DAB1: variants seen among roughly 807,000 people sequenced by gnomAD.
DAB1 encodes the protein DAB adaptor protein 1.
A neutral mutation model predicts 64.6 loss-of-function variants in DAB1; 15 were observed. That is an observed-to-expected ratio of 0.23 (90% CI 0.16 to 0.36). The LOEUF is 0.36. DAB1 is among the 10% of genes least tolerant of loss of function. The pLI, the probability that DAB1 is intolerant of heterozygous loss-of-function variation, is 1.00. For missense variants in DAB1, 596 were observed against 706.7 expected (o/e 0.84, Z 1.78); for synonymous variants, 235 against 251.9 (o/e 0.93, Z 0.64).
intron 4 of DAB1, among the ~76,000 whole-genome samples, chr1:58,284,352 T>A (rs1226816627): frequency 2.0e-5 from 3 of 152,224 alleles, no homozygotes; most frequent in Non-Finnish European, 4.4e-5. Context: ...GCTCTGCCAA[T>A]ACTCTGTATC....
At chr1:57,257,710 G>T (rs918800721) in intron 2 of DAB1, among the ~76,000 whole-genome samples, 1 of 152,184 alleles carries the variant, frequency 6.6e-6, no homozygotes, top group Non-Finnish European at 1.5e-5. Context: ...CTGGGCTGAC[G>T]TTAAGTTATC....
intron 5 of DAB1, among the ~76,000 whole-genome samples, chr1:58,010,792 A>T (rs534810181): frequency 6.6e-6 from 1 of 152,214 alleles, no homozygotes; most frequent in African/African-American, 2.4e-5. Context: ...AGACATTACT[A>T]ATCTATCAGC....
At position 57,198,209 on chromosome 1, in the gene DAB1, T is replaced by A. The variant is rs552175928; in HGVS notation, c.68-52780A>T. On this transcript the variant is annotated intron_variant, in intron 2 of 14. Transcript: ENST00000371236. ...TGAAAATAAAACCAACTCATTAACATCTCCCTCCCTCCCTTCCTAGTGTCT... is the reference window on the plus strand; with the variant it reads ...TGAAAATAAAACCAACTCATTAACAACTCCCTCCCTCCCTTCCTAGTGTCT... Among the ~76,000 whole-genome samples the A allele has an allele frequency of 8.2e-4, 125 of 152,204 alleles. 1 individual carries two copies. The highest frequency in any genetic ancestry group is 6.8e-3 in the Middle Eastern group (2 of 294).
chr1:57,595,679 G>C (rs943574395), intron 7 of DAB1, among the ~76,000 whole-genome samples: 14 of 149,636 alleles, frequency 9.4e-5, no homozygotes, highest in African/African-American at 3.6e-4. Flanking sequence ...TGTTGGAGGT[G>C]GGGTCTGGTG....
intron 5 of DAB1, among the ~76,000 whole-genome samples, chr1:58,079,827 C>T (rs1649885326): frequency 6.6e-6 from 1 of 152,076 alleles, no homozygotes; most frequent in Admixed American, 6.5e-5. Context: ...CCGAGCATAC[C>T]ATCTTTTAAT....
intron 5 of DAB1, among the ~76,000 whole-genome samples, chr1:58,051,803 G>A (rs975064704): frequency 3.9e-5 from 6 of 152,194 alleles, no homozygotes; most frequent in East Asian, 3.8e-4. Flanking sequence ...GACCAGTGAC[G>A]ATGAGCATTA....
intron 1 of DAB1, among the ~76,000 whole-genome samples, chr1:57,378,213 G>A (rs895909051): frequency 1.3e-5 from 2 of 152,126 alleles, no homozygotes; most frequent in African/African-American, 2.4e-5. Context: ...ACTCAGTACC[G>A]GCACTCTATT....
intron 6 of DAB1, among the ~76,000 whole-genome samples, chr1:57,740,030 A>G (rs763978538): frequency 2.3e-4 from 26 of 110,834 alleles, no homozygotes; most frequent in Admixed American, 6.0e-4. Context: ...ACCCATCTCT[A>G]CTACTACTAC....
chr1:58,051,576 C>T (rs530930289), intron 5 of DAB1, among the ~76,000 whole-genome samples: 63 of 152,272 alleles, frequency 4.1e-4, no homozygotes, highest in Non-Finnish European at 7.5e-4. Context: ...AATGGGATTG[C>T]TGGGTCAAAT....
intron 3 of DAB1, among the ~76,000 whole-genome samples, chr1:58,347,676 T>G (rs1644014745): frequency 6.6e-6 from 1 of 152,190 alleles, no homozygotes; most frequent in Admixed American, 6.5e-5. Flanking sequence ...CCTGATTTAC[T>G]CTTTATCACA....
intron 1 of DAB1, among the ~76,000 whole-genome samples, chr1:58,540,315 CA>C (rs1483361272): frequency 1.3e-4 from 20 of 151,156 alleles, no homozygotes. Flanking sequence ...TATTAGGACA[CA>C]AAACTATTTA....
chr1:58,536,087 G>A (rs1231221089), intron 1 of DAB1, among the ~76,000 whole-genome samples: 1 of 152,150 alleles, frequency 6.6e-6, no homozygotes, highest in Non-Finnish European at 1.5e-5. Context: ...TCTCATGAGT[G>A]CTTTGAAGGA....
intron 6 of DAB1, among the ~76,000 whole-genome samples, chr1:57,722,079 T>G (rs763907931): frequency 1.3e-5 from 2 of 152,272 alleles, no homozygotes; most frequent in Middle Eastern, 3.4e-3. Flanking sequence ...AACTTTGCCT[T>G]CCTAACACAC....
chr1:57,625,056 G>GTTAAAGACGGA (rs1239981285), intron 7 of DAB1, among the ~76,000 whole-genome samples: 1 of 152,166 alleles, frequency 6.6e-6, no homozygotes, highest in Non-Finnish European at 1.5e-5. Flanking sequence ...CCCTGCATGT[G>GTTAAAGACGGA]TTAAAGACGG....
intron 3 of DAB1, among the ~76,000 whole-genome samples, chr1:58,476,209 TCAAA>T (rs375440121): frequency 4.4e-4 from 67 of 151,708 alleles, no homozygotes; most frequent in African/African-American, 1.6e-3. Flanking sequence ...AATTAGGTAC[TCAAA>T]CTAATTAAAA....
chr1:56,999,943 A>G (rs923646735), intron 14 of DAB1, among the ~76,000 whole-genome samples: 3 of 152,030 alleles, frequency 2.0e-5, no homozygotes, highest in African/African-American at 7.3e-5. Flanking sequence ...AATGTAAATA[A>G]GTACAATCCT....
chr1:58,494,179 C>A (rs368553688), intron 3 of DAB1, among the ~76,000 whole-genome samples: 35 of 152,148 alleles, frequency 2.3e-4, no homozygotes, highest in South Asian at 2.1e-4. Flanking sequence ...AGGATTCCCT[C>A]TTTAATAAAT....
chr1:58,360,561 C>T (rs527341433), intron 3 of DAB1, among the ~76,000 whole-genome samples: 1 of 152,080 alleles, frequency 6.6e-6, no homozygotes, highest in Admixed American at 6.6e-5. Context: ...AAATAACAGC[C>T]TTTCTTCCAC....
intron 4 of DAB1, among the ~76,000 whole-genome samples, chr1:58,260,849 T>G (rs1220952739): frequency 6.6e-6 from 1 of 152,178 alleles, no homozygotes; most frequent in Non-Finnish European, 1.5e-5. Flanking sequence ...CATCTGTGTT[T>G]CTTTATTTGT....
Sources: gnomAD v4.1 joint callset for allele counts (sites outside exome capture counted in the v4.1 genomes callset) on GRCh38, gnomAD v4.1.1 for gene constraint, MANE v1.5 for transcripts, NCBI Gene and HGNC (gene_info 2026-07-23, HGNC 2026-07-21) for gene names.